Variants in ATR observed in about 807,000 individuals in gnomAD.
ATR encodes serine/threonine-protein kinase ATR.
A neutral mutation model predicts 305.3 loss-of-function variants in ATR; 142 were observed. The ratio of observed to expected loss-of-function variants is 0.47; its 90% confidence interval spans 0.41 to 0.53. The LOEUF is 0.53. Ranked by LOEUF, ATR falls within the 20% of genes least tolerant of loss-of-function variation. ATR has a pLI of 0.00. For synonymous variants in ATR, 1,050 were observed against 1,068.1 expected (o/e 0.98, Z 0.33); for missense variants, 2,135 against 3,133.1 (o/e 0.68, Z 7.60).
chr3:142,485,406 G>T, intron 35 of ATR, 124 bp from the exon 36 acceptor site: 2 of 1,175,928 alleles, frequency 1.7e-6, no homozygotes, highest in Non-Finnish European at 2.4e-6. Context: ...AAAGTCAAAA[G>T]CAGACTCAAT....
intron 16 of ATR, among the ~76,000 whole-genome samples, chr3:142,543,683 C>T (rs1392386313): frequency 1.3e-5 from 2 of 149,680 alleles, no homozygotes; most frequent in African/African-American, 2.5e-5. Flanking sequence ...CTCTTCTTTT[C>T]TTCCTCTCTC....
In ATR at chr3:142,497,134, C is replaced by A. The variant is rs762535801; in HGVS notation, c.5617G>T (p.Gly1873Cys). The A allele has an allele frequency of 6.2e-7, 1 of 1,614,058 alleles. No individual in the cohort carries two copies. The highest frequency in any genetic ancestry group is 8.5e-7 in the Non-Finnish European group (1 of 1,179,982). Residue 1873 changes from glycine to cysteine, a missense_variant, in exon 33 of 47, where the codon GGT (glycine) becomes TGT (cysteine). Physicochemically the swap from Gly to Cys is radical, Grantham distance 159. Around this residue, in one of 9 missense-constraint regions of ATR, gnomAD observed 117 missense variants for 198.3 expected, o/e 0.59. Coordinates refer to ENST00000350721, the MANE Select transcript of ATR (RefSeq NM_001184.4). ...SIKPLFQHSP[G>C]DSSQEDSLNW... ...AGAGAATCTTCTTGAGAACTGTCACCTGGAGAATGCTGGAAAAGTGGTTTG... is the reference window on the plus strand; with the variant it reads ...AGAGAATCTTCTTGAGAACTGTCACATGGAGAATGCTGGAAAAGTGGTTTG...
chr3:142,462,191 A>ATGTCATTGAAGGCTTACTATGTGG (rs1161367622), intron 41 of ATR, 101 bp from the exon 42 acceptor site: 2 of 1,220,772 alleles, frequency 1.6e-6, no homozygotes, highest in Non-Finnish European at 2.3e-6. Flanking sequence ...TAACCAAAGA[A>ATGTCATTGAAGGCTTACTATGTGG]TGTCATTGAA....
chr3:142,503,212 A>G, intron 30 of ATR, 150 bp downstream of exon 30: 1 of 587,984 alleles, frequency 1.7e-6, no homozygotes, highest in Non-Finnish European at 3.0e-6. Context: ...GAAAAACTTG[A>G]GGAAAAAAAA....
Position 142,505,229 on chromosome 3 carries a change from T to C in ATR, c.5106A>G (p.Leu1702=). ...TTTCATGTTCAAGGATCTGTTCTTTTAGAGATGGTTCTGCCTTTCTAATTG... is the reference window on the plus strand; with the variant it reads ...TTTCATGTTCAAGGATCTGTTCTTTCAGAGATGGTTCTGCCTTTCTAATTG... ...VSAIRKAEPS[L]KEQILEHESL... is the part of the protein sequence containing the mutation. Residue 1702 remains leucine, a synonymous_variant, in exon 29 of 47, where the codon CTA becomes CTG. Coordinates refer to ENST00000350721, the MANE Select transcript of ATR (RefSeq NM_001184.4). 6.2e-7 allele frequency: 1 copy of C among 1,614,162 alleles called. No homozygotes were observed. The highest frequency in any genetic ancestry group is 2.2e-5 in the East Asian group (1 of 44,884).
At chr3:142,529,980 G>A (rs934959656) in intron 21 of ATR, among the ~76,000 whole-genome samples, 3 of 152,032 alleles carry the variant, frequency 2.0e-5, no homozygotes, top group African/African-American at 4.8e-5. Flanking sequence ...AGCTTTCTTG[G>A]ATTATAATTT....
chr3:142,538,966 T>G (rs1200601783), intron 18 of ATR, among the ~76,000 whole-genome samples: 2 of 152,186 alleles, frequency 1.3e-5, no homozygotes, highest in Non-Finnish European at 2.9e-5. Context: ...GATTTCTGAC[T>G]ATAATTTGTT....
intron 25 of ATR, among the ~76,000 whole-genome samples, chr3:142,514,378 C>A (rs1270798140): frequency 6.6e-6 from 1 of 151,806 alleles, no homozygotes; most frequent in Non-Finnish European, 1.5e-5. Flanking sequence ...GCCTGTAATA[C>A]CAGTACTTTG....
At chr3:142,528,287 T>C (rs924907322) in intron 21 of ATR, among the ~76,000 whole-genome samples, 1 of 152,256 alleles carries the variant, frequency 6.6e-6, no homozygotes, top group African/African-American at 2.4e-5. Context: ...ACTTATTTTA[T>C]ACTGAGAATA....
chr3:142,543,656 CTT>C (rs1273346626), intron 16 of ATR, among the ~76,000 whole-genome samples: 1 of 149,872 alleles, frequency 6.7e-6, no homozygotes. Flanking sequence ...CTTTCTCTCT[CTT>C]TTTTCTTTTC....
chr3:142,571,794 G>A (rs937868246), intron 1 of ATR, among the ~76,000 whole-genome samples: 1 of 152,020 alleles, frequency 6.6e-6, no homozygotes, highest in East Asian at 1.9e-4. Context: ...ACAGAGTCTC[G>A]CTCTGTCGGC....
rs2070964050 is a variant in ATR at position 142,458,854 on chromosome 3, T to G, written c.7503+104A>C. ...CAACAAATTCTCAGTATAACTCAAC[T>G]GTGAGTATAACTGCTACTAACAGGT... On this transcript the variant is annotated intron_variant, in intron 44 of 46. Transcript: ENST00000350721. The G allele has an allele frequency of 2.3e-6, 3 of 1,323,848 alleles. No individual in the cohort carries two copies. The South Asian group carries it at 3.8e-5, about 17-fold the overall frequency. 82.0% of individuals were successfully genotyped at this position (1,323,848 alleles called of 1,614,324 possible).
At chr3:142,459,488 G>T (rs1389814961) in intron 42 of ATR, 105 bp from the exon 43 acceptor site, 14 of 1,291,966 alleles carry the variant, frequency 1.1e-5, no homozygotes, top group Non-Finnish European at 1.4e-5. Flanking sequence ...TATTCAAATT[G>T]TTATTGAAAA....
intron 35 of ATR, among the ~76,000 whole-genome samples, chr3:142,487,944 T>G (rs150126461): frequency 2.6e-5 from 4 of 152,346 alleles, no homozygotes; most frequent in Non-Finnish European, 5.9e-5. Flanking sequence ...ATTTTGGTTA[T>G]TCACAGTTTG....
chr3:142,563,111 T>G lies in ATR; in HGVS notation c.293-2A>C. 1 of 1,600,754 alleles carries G rather than the reference T, an allele frequency of 6.2e-7. No homozygotes were observed. Among genetic ancestry groups the G allele is most frequent in the Non-Finnish European group, 8.5e-7 (1 of 1,176,172 alleles). On this transcript the variant is annotated splice_acceptor_variant, in intron 3 of 46. Transcript: ENST00000350721. LOFTEE classifies it high-confidence loss of function. ...TCGTTATGATCCAATTACTGAATTC[T>G]TTGAAATAAACAAAAAAGATATTAA...
intron 8 of ATR, among the ~76,000 whole-genome samples, chr3:142,558,133 A>T (rs189615128): frequency 5.8e-4 from 89 of 152,320 alleles, no homozygotes; most frequent in African/African-American, 2.0e-3. Context: ...TTATGTATCT[A>T]ACCCCCTTCT....
chr3:142,490,692 G>A (rs2031224744), intron 35 of ATR, among the ~76,000 whole-genome samples: 1 of 151,994 alleles, frequency 6.6e-6, no homozygotes, highest in African/African-American at 2.4e-5. Flanking sequence ...TATCATATGA[G>A]GCAGAGGTTG....
chr3:142,571,184 G>C (rs866006341), intron 1 of ATR, among the ~76,000 whole-genome samples: 7 of 152,014 alleles, frequency 4.6e-5, no homozygotes, highest in African/African-American at 1.7e-4. Flanking sequence ...ATAATCAAAA[G>C]CGGCCGGGCA....
chr3:142,454,068 A>G (rs1472491716), intron 45 of ATR, among the ~76,000 whole-genome samples: 1 of 152,194 alleles, frequency 6.6e-6, no homozygotes, highest in Non-Finnish European at 1.5e-5. Flanking sequence ...AGGCAAAGTT[A>G]TAATGTAGTA....
Sources: allele counts gnomAD v4.1 joint callset (sites outside exome capture counted in the v4.1 genomes callset), GRCh38; gene constraint gnomAD v4.1.1; regional missense constraint gnomAD v4.1.1; transcripts MANE v1.5; gene names NCBI Gene and HGNC (gene_info 2026-07-23, HGNC 2026-07-21).